The following SLC38A8 variants were observed in gnomAD, a reference collection of about 807,000 sequenced individuals.
SLC38A8 encodes amino acid transporter SLC38A8.
A neutral mutation model predicts 46.0 loss-of-function variants in SLC38A8; 65 were observed. That is an observed-to-expected ratio of 1.41 (90% CI 1.16 to 1.74). The LOEUF is 1.74. SLC38A8 is among the 40% of genes most tolerant of loss of function. The pLI, the probability that SLC38A8 is intolerant of heterozygous loss-of-function variation, is 0.00. For missense variants in SLC38A8, 998 were observed against 567.9 expected, an observed-to-expected ratio of 1.76 and a Z score of -7.70; for synonymous variants, 447 against 243.7, an observed-to-expected ratio of 1.83 and a Z score of -7.77.
chr16:84,041,026 TGCCGTAAGAC>T (rs2085361232), intron 2 of SLC38A8: 1 of 152,254 alleles, frequency 6.6e-6, no homozygotes, highest in Non-Finnish European at 1.5e-5. Flanking sequence ...ATCCACCAGC[TGCCGTAAGAC>T]GTGTGAGAAA....
At chr16:84,042,192 A>C (rs752837456) in intron 1 of SLC38A8, 33 bp from the exon 2 acceptor site, 2 of 1,576,518 alleles carry the variant, frequency 1.3e-6, no homozygotes, top group Admixed American at 1.8e-5. Context: ...GAGAAAGCAC[A>C]GTCTTCACGC....
chr16:84,033,288 C>T (rs533301301), intron 4 of SLC38A8, 40 bp downstream of exon 4: 3 of 1,613,438 alleles, frequency 1.9e-6, no homozygotes, highest in South Asian at 1.1e-5. Flanking sequence ...AAACACTCAG[C>T]AAGGTGGGGG....
chr16:84,023,758 G>T (rs921063150), intron 6 of SLC38A8, among the ~76,000 whole-genome samples: 1 of 152,276 alleles, frequency 6.6e-6, no homozygotes, highest in Non-Finnish European at 1.5e-5. Context: ...GCCGGGCATG[G>T]TAATGAGCAC....
chr16:84,010,571 A>G (rs987036489), intron 10 of SLC38A8, among the ~76,000 whole-genome samples: 2 of 151,938 alleles, frequency 1.3e-5, no homozygotes, highest in African/African-American at 2.4e-5. Flanking sequence ...GTGAAACCCC[A>G]TCTCTACTAA....
intron 6 of SLC38A8, among the ~76,000 whole-genome samples, chr16:84,029,086 A>C (rs2085204645): frequency 6.6e-6 from 1 of 152,158 alleles, no homozygotes; most frequent in African/African-American, 2.4e-5. Context: ...GGCCCTGGGC[A>C]GAGTCCACCT....
chr16:84,030,373 G>T (rs1340706126), intron 5 of SLC38A8, among the ~76,000 whole-genome samples: 1 of 151,978 alleles, frequency 6.6e-6, no homozygotes, highest in Non-Finnish European at 1.5e-5. Context: ...CCCTCGACCT[G>T]CCTGTGCTAG....
intron 4 of SLC38A8, among the ~76,000 whole-genome samples, chr16:84,032,515 T>C (rs1054034481): frequency 6.6e-6 from 1 of 152,148 alleles, no homozygotes; most frequent in African/African-American, 2.4e-5. Flanking sequence ...CCCGGCGCCC[T>C]TCGGGATGGC....
chr16:84,031,814 C>T, intron 5 of SLC38A8, 53 bp downstream of exon 5: 5 of 1,487,718 alleles, frequency 3.4e-6, no homozygotes, highest in Middle Eastern at 3.7e-4. Flanking sequence ...CTCACAGACT[C>T]CCCTGCCGTG....
chr16:84,031,743 C>G lies in SLC38A8; in HGVS notation c.632+124G>C, dbSNP rs76700336. 4,100 of 796,374 alleles carry G rather than the reference C, an allele frequency of 5.1e-3. 127 individuals carry two copies. In the African/African-American group the frequency reaches 0.063, roughly 12 times the overall value. The allele number at this position is 796,374 out of a possible 1,614,324, so 49.3% of individuals were successfully genotyped here. Reference sequence around the variant, plus strand: ...TTCACCGCATCAGAGACGGAAAGAACTGGAAGGAAGGAGCCCAGGCTCTGC... The same window carrying G: ...TTCACCGCATCAGAGACGGAAAGAAGTGGAAGGAAGGAGCCCAGGCTCTGC... On this transcript the variant is annotated intron_variant, in intron 5 of 10. Transcript: ENST00000299709.
At chr16:84,029,430 G>T in intron 6 of SLC38A8, 64 bp downstream of exon 6, 1 of 1,565,512 alleles carries the variant, frequency 6.4e-7, no homozygotes, top group Non-Finnish European at 8.8e-7. Context: ...GTTTCCCAAG[G>T]GAGCAGAGAG....
chr16:84,025,764 T>C (rs551687151), intron 6 of SLC38A8, among the ~76,000 whole-genome samples: 18 of 152,320 alleles, frequency 1.2e-4, no homozygotes, highest in African/African-American at 2.4e-4. Context: ...TCTGGAAATA[T>C]AGGAGGGCAC....
chr16:84,019,995 G>A (rs927706346), intron 7 of SLC38A8, among the ~76,000 whole-genome samples: 2 of 152,242 alleles, frequency 1.3e-5, no homozygotes, highest in African/African-American at 4.8e-5. Context: ...CCTGATGCCT[G>A]AAGTTCTCGC....
At chr16:84,034,999 G>A (rs28561995) in intron 3 of SLC38A8, among the ~76,000 whole-genome samples, 1 of 151,930 alleles carries the variant, frequency 6.6e-6, no homozygotes. Context: ...CTAGCACTCC[G>A]TCTCAGAAGC....
Position 84,016,574 on chromosome 16 carries a change from G to A in SLC38A8, c.1107C>T (p.Ser369=), listed in dbSNP as rs61742702. The change falls in exon 9 of 11, where the codon AGC becomes AGT. Residue 369 remains serine, a synonymous_variant. Transcript: ENST00000299709. ...TGCCTCCGATGATGCTGACGATCTC[G>A]CTGAGGTCAGGCATAAACAGCGCCA... ...LAMALFMPDL[S]EIVSIIGGIS... is the part of the protein sequence containing the mutation. 5.8e-4 allele frequency: 938 copies of A among 1,614,078 alleles called. No homozygotes were observed. Among genetic ancestry groups the A allele is most frequent in the Non-Finnish European group, 7.4e-4 (877 of 1,180,018 alleles).
At chr16:84,013,429 T>G (rs1457872086) in intron 9 of SLC38A8, among the ~76,000 whole-genome samples, 2 of 121,084 alleles carry the variant, frequency 1.7e-5, no homozygotes, top group South Asian at 2.8e-4. Flanking sequence ...TGTGTGTTTT[T>G]TTTTTTTTTT....
chr16:84,036,781 C>T lies in SLC38A8; in HGVS notation c.309G>A (p.Leu103=), dbSNP rs768450962. 1 of 1,614,220 alleles carries T rather than the reference C, an allele frequency of 6.2e-7. No homozygotes were observed. The highest frequency in any genetic ancestry group is 8.5e-7 in the Non-Finnish European group (1 of 1,180,046). Residue 103 remains leucine (L), a synonymous_variant, in exon 3 of 11, where the codon CTG becomes CTA. Coordinates refer to ENST00000299709, the MANE Select transcript of SLC38A8 (RefSeq NM_001080442.3). ...GGTTGAGGAGGAAGCAGGCCTCACA[C>T]AGCTTCCCAATGGCAGGGCCACACA... ...RGLCGPAIGK[L]CEACFLLNLL... is the part of the protein sequence containing the mutation.
chr16:84,036,912 G>C lies in SLC38A8; in HGVS notation c.190-12C>G, dbSNP rs772716212. On this transcript the variant is annotated splice_polypyrimidine_tract_variant and intron_variant, in intron 2 of 10. Coordinates refer to ENST00000299709, the MANE Select transcript of SLC38A8 (RefSeq NM_001080442.3). Reference sequence around the variant, plus strand: ...AAGACCAACGAGACCTGCGGAGAAGGAGCAGGACCTGGAACTGGGGTGTGC... The same window carrying C: ...AAGACCAACGAGACCTGCGGAGAAGCAGCAGGACCTGGAACTGGGGTGTGC... The C allele has an allele frequency of 6.2e-7, 1 of 1,603,288 alleles. No homozygotes were observed. The highest frequency in any genetic ancestry group is 8.5e-7 in the Non-Finnish European group (1 of 1,176,654).
At position 84,016,623 on chromosome 16, in the gene SLC38A8, A is replaced by C; in HGVS notation, c.1058T>G (p.Leu353Arg). 1 of 1,613,950 alleles carries C rather than the reference A, an allele frequency of 6.2e-7. No individual in the cohort carries two copies. Among genetic ancestry groups the C allele is most frequent in the Non-Finnish European group, 8.5e-7 (1 of 1,180,042 alleles). The change falls in exon 9 of 11, where the codon CTG (leucine) becomes CGG (arginine). Residue 353 changes from leucine to arginine, a missense_variant. Coordinates refer to ENST00000299709, the MANE Select transcript of SLC38A8 (RefSeq NM_001080442.3). ...CATGGCGAGCGTCACGGTGACCCACAGGATGGTCAGCGGCATCCGGACCCA... is the reference window on the plus strand; with the variant it reads ...CATGGCGAGCGTCACGGTGACCCACCGGATGGTCAGCGGCATCCGGACCCA... The part of the protein sequence containing the change: ...GLWVRMPLTI[L>R]WVTVTLAMAL...
intron 5 of SLC38A8, among the ~76,000 whole-genome samples, chr16:84,030,933 C>T (rs1216893187): frequency 4.6e-5 from 7 of 152,204 alleles, no homozygotes; most frequent in Non-Finnish European, 8.8e-5. Flanking sequence ...CCTCTGAAGC[C>T]ACCAGGTCTG....
Sources: gnomAD v4.1 joint callset for allele counts (sites outside exome capture counted in the v4.1 genomes callset) on GRCh38, gnomAD v4.1.1 for gene constraint, MANE v1.5 for transcripts, NCBI Gene and HGNC (gene_info 2026-07-23, HGNC 2026-07-21) for gene names.